The following GAS7 variants were observed in gnomAD, a reference collection of about 807,000 sequenced individuals.
GAS7 encodes growth arrest-specific protein 7.
In GAS7, 28 loss-of-function variants were observed where a neutral mutation model predicts 71.1. The ratio of observed to expected loss-of-function variants is 0.39; its 90% CI spans 0.29 to 0.54. GAS7 has a LOEUF of 0.54. Ranked by LOEUF, GAS7 falls within the 20% of genes least tolerant of loss-of-function variation. The pLI, the probability that GAS7 is intolerant of heterozygous loss-of-function variation, is 0.62. For synonymous variants in GAS7, 258 were observed against 245.8 expected (o/e 1.05, Z -0.46); for missense variants, 436 against 627.8 (o/e 0.69, Z 3.27).
At chr17:9,932,106 T>G (rs1416342448) in intron 9 of GAS7, among the ~76,000 whole-genome samples, 1 of 151,814 alleles carries the variant, frequency 6.6e-6, no homozygotes, top group Non-Finnish European at 1.5e-5. Flanking sequence ...TTTACCCTGC[T>G]GTGTCTGACT....
In GAS7 at chr17:9,956,389, C is replaced by T. The variant is rs183519717; in HGVS notation, c.525+2813G>A. Reference sequence around the variant, plus strand: ...GCCCCTACCCCGGGTTCTGTGGCTACGCTGGGAAGCCCTGAAGCTGAGGAC... The same window carrying T: ...GCCCCTACCCCGGGTTCTGTGGCTATGCTGGGAAGCCCTGAAGCTGAGGAC... On this transcript the variant is annotated intron_variant, in intron 5 of 13. Transcript: ENST00000432992. Among the ~76,000 whole-genome samples the T allele has an allele frequency of 8.3e-3, 1,271 of 152,260 alleles. 18 individuals are homozygous for T. Among genetic ancestry groups the T allele is most frequent in the African/African-American group, 0.029 (1,220 of 41,552 alleles).
intron 1 of GAS7, among the ~76,000 whole-genome samples, chr17:10,193,232 G>A (rs2142156938): frequency 7.2e-6 from 1 of 139,368 alleles, no homozygotes; most frequent in East Asian, 2.0e-4. Flanking sequence ...CGTTTATCAT[G>A]TGGCCTTTAG....
At chr17:10,178,486 C>A (rs553026499) in intron 1 of GAS7, among the ~76,000 whole-genome samples, 3 of 152,132 alleles carry the variant, frequency 2.0e-5, no homozygotes, top group African/African-American at 7.2e-5. Context: ...AAATTCTAAA[C>A]CCTATCAGGA....
chr17:9,979,212 T>C (rs1415258984), intron 3 of GAS7, among the ~76,000 whole-genome samples: 1 of 152,210 alleles, frequency 6.6e-6, no homozygotes. Context: ...CCTGTCCTTC[T>C]TCATCCTCCT....
chr17:9,963,788 T>G (rs538431045), intron 4 of GAS7, among the ~76,000 whole-genome samples: 1 of 152,040 alleles, frequency 6.6e-6, no homozygotes, highest in Admixed American at 6.6e-5. Flanking sequence ...GAATCTGGAG[T>G]GTATATATTA....
intron 1 of GAS7, among the ~76,000 whole-genome samples, chr17:10,087,737 A>C (rs930156317): frequency 2.0e-5 from 3 of 152,348 alleles, no homozygotes; most frequent in Admixed American, 1.3e-4. Context: ...GAGAAAAGGA[A>C]GCAGTGCTGA....
chr17:9,953,707 C>G (rs575872817), intron 5 of GAS7, among the ~76,000 whole-genome samples: 1 of 152,234 alleles, frequency 6.6e-6, no homozygotes, highest in Non-Finnish European at 1.5e-5. Context: ...CCACGTGCTA[C>G]GCTAGCTCTT....
intron 1 of GAS7, among the ~76,000 whole-genome samples, chr17:10,129,781 G>A (rs1022588839): frequency 6.6e-6 from 1 of 152,144 alleles, no homozygotes; most frequent in African/African-American, 2.4e-5. Context: ...CTTTTATCTA[G>A]AATATATAAA....
chr17:10,007,783 T>C (rs2071600086), intron 2 of GAS7, among the ~76,000 whole-genome samples: 1 of 152,156 alleles, frequency 6.6e-6, no homozygotes, highest in South Asian at 2.1e-4. Flanking sequence ...TATAATATAA[T>C]GGTTTTTGGT....
Position 9,969,741 on chromosome 17 carries a change from C to T in GAS7, c.407G>A (p.Gly136Glu). Residue 136 changes from glycine (G) to glutamate (E), a missense_variant, in exon 4 of 14, where the codon GGG becomes GAG. Transcript: ENST00000432992. The surrounding 1 kb of genome is among the most constrained non-coding windows in gnomAD (Gnocchi z 5.5). Reference sequence around the variant, plus strand: ...AGTCTCTGGAGGGTGCGCTGGGGTCCCTGATGCGTGGTATCCATTCACTGC... The same window carrying T: ...AGTCTCTGGAGGGTGCGCTGGGGTCTCTGATGCGTGGTATCCATTCACTGC... ...PPTVNGYHAS[G>E]TPAHPPETAH... 6.2e-7 allele frequency: 1 copy of T among 1,611,340 alleles called. No individual in the cohort carries two copies. Among genetic ancestry groups the T allele is most frequent in the Non-Finnish European group, 8.5e-7 (1 of 1,177,486 alleles).
chr17:10,181,184 A>AC (rs2074412827), intron 1 of GAS7, among the ~76,000 whole-genome samples: 2 of 147,194 alleles, frequency 1.4e-5, no homozygotes, highest in Non-Finnish European at 3.0e-5. Flanking sequence ...ACACAGTGAA[A>AC]CCCTGTCTCT....
chr17:10,067,840 C>T (rs145897353), intron 1 of GAS7, among the ~76,000 whole-genome samples: 7 of 152,224 alleles, frequency 4.6e-5, no homozygotes, highest in East Asian at 1.9e-4. Flanking sequence ...AGGCTCAGAC[C>T]GGGAGAAATA....
In GAS7 at chr17:10,016,384, CA is replaced by C. The variant is rs1217937101; in HGVS notation, c.304+3392del. On this transcript the variant is annotated intron_variant, in intron 2 of 13. Transcript: ENST00000432992. ...TGGGTGAAAGAGCGAGACTCCGTCTCAAAAAAAAAAAAAAAAAAAGAGTTAA... is the reference window on the plus strand; with the variant it reads ...TGGGTGAAAGAGCGAGACTCCGTCTCAAAAAAAAAAAAAAAAAAGAGTTAA... Among the ~76,000 whole-genome samples, 478 of 71,420 alleles carry C rather than the reference CA, an allele frequency of 6.7e-3. 5 individuals carry two copies. The East Asian group carries it at 0.12, about 18-fold the overall frequency. The allele number at this position is 71,420 out of a possible 152,430, so 46.9% of individuals were successfully genotyped here.
intron 2 of GAS7, among the ~76,000 whole-genome samples, chr17:9,995,081 G>T (rs574002870): frequency 6.6e-6 from 1 of 152,300 alleles, no homozygotes; most frequent in Admixed American, 6.5e-5. Context: ...GGAGCAGCAG[G>T]GGGGCTCACA....
rs913821554 is a variant in GAS7 at position 9,981,397 on chromosome 17, C to T, written c.385+407G>A. ...ACACCCTCAAAAGGTCTCCCTCACA[C>T]TGTTTCAGGTGTTTTATTTGAAAGC... On this transcript the variant is annotated intron_variant, in intron 3 of 13. Coordinates refer to ENST00000432992, the MANE Select transcript of GAS7 (RefSeq NM_201433.2). The surrounding 1 kb of genome is among the most constrained non-coding windows in gnomAD (Gnocchi z 4.4). Among the ~76,000 whole-genome samples the T allele has an allele frequency of 6.6e-6, 1 of 152,156 alleles. No individual in the cohort carries two copies. Among genetic ancestry groups the T allele is most frequent in the African/African-American group, 2.4e-5 (1 of 41,442 alleles).
intron 1 of GAS7, among the ~76,000 whole-genome samples, chr17:10,161,896 C>G (rs1007329556): frequency 1.2e-4 from 18 of 151,960 alleles, no homozygotes; most frequent in African/African-American, 3.6e-4. Flanking sequence ...AACCCCGTCT[C>G]TACTAAAAAA....
At chr17:9,957,356 G>C (rs565442209) in intron 5 of GAS7, among the ~76,000 whole-genome samples, 1 of 152,156 alleles carries the variant, frequency 6.6e-6, no homozygotes, top group African/African-American at 2.4e-5. Context: ...GGATGGGCGA[G>C]GTGTGCTGCC....
Position 9,926,884 on chromosome 17 carries a change from G to A in GAS7, c.886-115C>T. 8.8e-7 allele frequency: 1 copy of A among 1,133,478 alleles called. No individual in the cohort carries two copies. The highest frequency in any genetic ancestry group is 2.0e-4 in the Middle Eastern group (1 of 4,948). 70.2% of individuals were successfully genotyped at this position (1,133,478 alleles called of 1,614,324 possible). A position where few individuals can be genotyped will look rare whatever the true frequency, so the allele number is the denominator to read the frequency against. ...TCCCCAGGCAAGTGAGGATGAGTCT[G>A]GGGTAGCGACCTGGCAGGAAGGTGA... is the stretch of plus-strand genomic sequence containing the variant. On this transcript the variant is annotated intron_variant, in intron 9 of 13. Transcript: ENST00000432992. The surrounding 1 kb of genome is among the most constrained non-coding windows in gnomAD (Gnocchi z 5.0).
intron 1 of GAS7, among the ~76,000 whole-genome samples, chr17:10,032,707 A>G (rs1490352311): frequency 6.6e-6 from 1 of 152,244 alleles, no homozygotes; most frequent in African/African-American, 2.4e-5. Context: ...GAGGCCTGAC[A>G]AGACACAAAT....
Sources: gnomAD v4.1 joint callset for allele counts (sites outside exome capture counted in the v4.1 genomes callset) on GRCh38, gnomAD v4.1.1 for gene constraint, Gnocchi (gnomAD v3.1) non-coding constraint, MANE v1.5 for transcripts, NCBI Gene and HGNC (gene_info 2026-07-23, HGNC 2026-07-21) for gene names.